ZSWIM5: variants seen among roughly 807,000 people sequenced by gnomAD.
The protein encoded by ZSWIM5 is zinc finger SWIM domain-containing protein 5.
A neutral mutation model predicts 119.6 loss-of-function variants in ZSWIM5; 55 were observed. The ratio of observed to expected loss-of-function variants is 0.46; its 90% CI spans 0.37 to 0.58. ZSWIM5 has a LOEUF of 0.58. Among genes scored for constraint, ZSWIM5 ranks in the 20% least tolerant of loss-of-function variants. The pLI is 0.00. For synonymous variants in ZSWIM5, 537 were observed against 606.9 expected (o/e 0.88, Z 1.69); for missense variants, 1,193 against 1,512.8 (o/e 0.79, Z 3.51).
chr1:45,146,670 C>T (rs1645762698), intron 1 of ZSWIM5, among the ~76,000 whole-genome samples: 1 of 150,154 alleles, frequency 6.7e-6, no homozygotes, highest in Non-Finnish European at 1.5e-5. Context: ...GAACTCCTGG[C>T]CTCAAGTGAT....
chr1:45,206,012 G>A lies in ZSWIM5; in HGVS notation c.339C>T (p.Ser113=), dbSNP rs1646187635. Residue 113 remains serine (S), a synonymous_variant, in exon 1 of 14, where the codon TCC becomes TCT. Transcript: ENST00000359600. The part of the protein sequence containing the change: ...PRNEREICMY[S]SFQYRGGPGA... ...CGGGGCCGCCCCGGTACTGGAAGCT[G>A]GAGTACATGCAGATCTCCCGCTCAT... 6.3e-7 allele frequency: 1 copy of A among 1,587,996 alleles called. No individual in the cohort carries two copies. Among genetic ancestry groups the A allele is most frequent in the African/African-American group, 1.4e-5 (1 of 72,136 alleles).
intron 1 of ZSWIM5, among the ~76,000 whole-genome samples, chr1:45,195,518 C>T (rs1281087191): frequency 2.0e-5 from 3 of 151,940 alleles, no homozygotes; most frequent in Non-Finnish European, 4.4e-5. Flanking sequence ...CAAGCGTAAG[C>T]CACTGTGCCC....
intron 1 of ZSWIM5, among the ~76,000 whole-genome samples, chr1:45,146,774 C>T (rs1173913760): frequency 6.6e-6 from 1 of 152,102 alleles, no homozygotes. Flanking sequence ...TGACTATAAG[C>T]TCCATTGGCC....
At chr1:45,024,376 G>C (rs1644908018) in intron 11 of ZSWIM5, among the ~76,000 whole-genome samples, 3 of 151,474 alleles carry the variant, frequency 2.0e-5, no homozygotes, top group Non-Finnish European at 4.4e-5. Flanking sequence ...ATTTTTATTA[G>C]AGACAGGGTT....
intron 1 of ZSWIM5, among the ~76,000 whole-genome samples, chr1:45,133,896 G>T (rs1377366306): frequency 6.6e-6 from 1 of 151,974 alleles, no homozygotes; most frequent in Non-Finnish European, 1.5e-5. Context: ...GTTTTTGTCA[G>T]GTTTGTCAAA....
chr1:45,161,589 TC>T (rs1436981047), intron 1 of ZSWIM5, among the ~76,000 whole-genome samples: 1 of 152,104 alleles, frequency 6.6e-6, no homozygotes, highest in Non-Finnish European at 1.5e-5. Context: ...AGTTATTCCC[TC>T]CCCCCACATT....
Position 45,205,688 on chromosome 1 carries a change from T to C in ZSWIM5, c.595+68A>G, listed in dbSNP as rs900574040. The C allele has an allele frequency of 2.1e-5, 30 of 1,403,304 alleles. No individual in the cohort carries two copies. In the African/African-American group the frequency reaches 4.2e-4, roughly 20 times the overall value. The allele number at this position is 1,403,304 out of a possible 1,614,324, so 86.9% of individuals were successfully genotyped here. A position where few individuals can be genotyped will look rare whatever the true frequency, so the allele number is the denominator to read the frequency against. On this transcript the variant is annotated intron_variant, in intron 1 of 13. Transcript: ENST00000359600. ...AAGGCCGGGGTCTCGGCCCCAGGGC[T>C]CGGGCCGAGAAGAGGCACCCGCGGA... is the stretch of plus-strand genomic sequence containing the variant.
intron 1 of ZSWIM5, among the ~76,000 whole-genome samples, chr1:45,151,163 C>T (rs1645794476): frequency 6.6e-6 from 1 of 152,196 alleles, no homozygotes; most frequent in East Asian, 1.9e-4. Context: ...ATTTCCCCCA[C>T]TTCTCTGCCT....
chr1:45,118,237 T>C (rs1645570550), intron 1 of ZSWIM5, among the ~76,000 whole-genome samples: 1 of 152,208 alleles, frequency 6.6e-6, no homozygotes, highest in Non-Finnish European at 1.5e-5. Flanking sequence ...CAGACAATCA[T>C]TAAGAAATAA....
chr1:45,122,651 C>T (rs1368116513), intron 1 of ZSWIM5, among the ~76,000 whole-genome samples: 1 of 152,030 alleles, frequency 6.6e-6, no homozygotes, highest in Non-Finnish European at 1.5e-5. Context: ...TGTGAATAAG[C>T]CTGCAACCAA....
intron 1 of ZSWIM5, among the ~76,000 whole-genome samples, chr1:45,103,514 A>G (rs1645452182): frequency 6.6e-6 from 1 of 152,236 alleles, no homozygotes; most frequent in Non-Finnish European, 1.5e-5. Flanking sequence ...GGACTACAAT[A>G]TATTAAATAT....
intron 2 of ZSWIM5, among the ~76,000 whole-genome samples, chr1:45,069,688 G>C (rs1304615819): frequency 6.6e-6 from 1 of 151,948 alleles, no homozygotes; most frequent in East Asian, 1.9e-4. Flanking sequence ...TGTAGATATA[G>C]AGTATATTTT....
At chr1:45,098,792 A>G (rs1451174052) in intron 1 of ZSWIM5, among the ~76,000 whole-genome samples, 2 of 152,220 alleles carry the variant, frequency 1.3e-5, no homozygotes, top group South Asian at 2.1e-4. Flanking sequence ...CTGCTCCTGA[A>G]TGACTACTGG....
At chr1:45,146,345 TGAAAA>T (rs1645759479) in intron 1 of ZSWIM5, among the ~76,000 whole-genome samples, 1 of 145,866 alleles carries the variant, frequency 6.9e-6, no homozygotes. Flanking sequence ...AACCATAGTC[TGAAAA>T]CAAAAGCAAA....
At chr1:45,184,532 A>C (rs1184385125) in intron 1 of ZSWIM5, among the ~76,000 whole-genome samples, 2 of 152,246 alleles carry the variant, frequency 1.3e-5, no homozygotes, top group African/African-American at 4.8e-5. Flanking sequence ...CCTTAAGCTG[A>C]TAAGCAACTC....
chr1:45,041,639 C>G (rs1453764546), intron 6 of ZSWIM5, among the ~76,000 whole-genome samples: 1 of 151,210 alleles, frequency 6.6e-6, no homozygotes, highest in Non-Finnish European at 1.5e-5. Flanking sequence ...CAGGTCCAAG[C>G]AATTCTCCTG....
intron 1 of ZSWIM5, among the ~76,000 whole-genome samples, chr1:45,116,417 T>C (rs1242453299): frequency 2.6e-5 from 4 of 152,178 alleles, no homozygotes; most frequent in Non-Finnish European, 4.4e-5. Context: ...GCTTCATTAA[T>C]AACACAAGTA....
At chr1:45,058,509 A>G in intron 4 of ZSWIM5, 100 bp downstream of exon 4, 1 of 1,476,006 alleles carries the variant, frequency 6.8e-7, no homozygotes, top group Non-Finnish European at 9.2e-7. Flanking sequence ...AGCTGGACTT[A>G]GCAAGATCCA....
chr1:45,097,367 T>C (rs1645409658), intron 1 of ZSWIM5, among the ~76,000 whole-genome samples: 1 of 152,214 alleles, frequency 6.6e-6, no homozygotes, highest in Non-Finnish European at 1.5e-5. Context: ...AGCTCAAATA[T>C]CACCTCTATA....
Sources: gnomAD v4.1 joint callset for allele counts (sites outside exome capture counted in the v4.1 genomes callset) on GRCh38, gnomAD v4.1.1 for gene constraint, MANE v1.5 for transcripts, NCBI Gene and HGNC (gene_info 2026-07-23, HGNC 2026-07-21) for gene names.